The following CTIF variants were observed in gnomAD, a reference collection of about 807,000 sequenced individuals.
CTIF encodes the protein CBP80/20-dependent translation initiation factor.
In CTIF, 21 loss-of-function variants were observed where a neutral mutation model predicts 66.0. That is an observed-to-expected ratio of 0.32 (90% CI 0.23 to 0.46). The LOEUF is 0.46. CTIF is among the 20% of genes least tolerant of loss of function. The pLI, the probability that CTIF is intolerant of heterozygous loss-of-function variation, is 1.00. For synonymous variants in CTIF, 345 were observed against 326.4 expected (o/e 1.06, Z -0.62); for missense variants, 739 against 812.7 (o/e 0.91, Z 1.10).
At chr18:48,819,430 G>A (rs554075943) in intron 10 of CTIF, among the ~76,000 whole-genome samples, 1 of 152,188 alleles carries the variant, frequency 6.6e-6, no homozygotes, top group Non-Finnish European at 1.5e-5. Context: ...GCCCCAACAC[G>A]TTCCCTCTGC....
rs1342081846 is a variant in CTIF, at chr18:48,822,735, A to G, written c.1527+5359A>G. On this transcript the variant is annotated intron_variant, in intron 10 of 11. Transcript: ENST00000256413. The stretch of plus-strand genomic sequence containing the variant: ...ATTTTTAAGTTTTTGAGGACCCTCC[A>G]TTTTGTTTTCCACAGCAGATGCACC... Among the ~76,000 whole-genome samples, 3 of 152,164 alleles carry G rather than the reference A, an allele frequency of 2.0e-5. No homozygotes were observed. In the East Asian group the frequency reaches 5.8e-4, roughly 29 times the overall value.
chr18:48,739,534 C>G (rs1391053364), intron 7 of CTIF, among the ~76,000 whole-genome samples: 1 of 152,234 alleles, frequency 6.6e-6, no homozygotes, highest in African/African-American at 2.4e-5. Flanking sequence ...GGACGAACCT[C>G]TCTGCCTCTT....
At chr18:48,745,294 G>A (rs185029812) in intron 7 of CTIF, among the ~76,000 whole-genome samples, 2 of 152,330 alleles carry the variant, frequency 1.3e-5, no homozygotes, top group Non-Finnish European at 2.9e-5. Context: ...ACCATGTCAG[G>A]AGGTACGTGC....
intron 3 of CTIF, among the ~76,000 whole-genome samples, chr18:48,653,351 A>G (rs1420776568): frequency 6.6e-6 from 1 of 152,224 alleles, no homozygotes; most frequent in African/African-American, 2.4e-5. Context: ...AGAGAGCCAA[A>G]TCGTGAGTGA....
chr18:48,588,472 T>G (rs1403846104), intron 1 of CTIF, among the ~76,000 whole-genome samples: 1 of 152,170 alleles, frequency 6.6e-6, no homozygotes, highest in African/African-American at 2.4e-5. Flanking sequence ...ACCTCAGATG[T>G]CTCAGACCAT....
chr18:48,551,772 C>T (rs2088887102), intron 1 of CTIF, among the ~76,000 whole-genome samples: 1 of 151,864 alleles, frequency 6.6e-6, no homozygotes, highest in South Asian at 2.1e-4. Context: ...TCTCCTGAAA[C>T]CTGGGTGATC....
At chr18:48,789,659 G>A (rs760673157) in intron 9 of CTIF, among the ~76,000 whole-genome samples, 18 of 152,198 alleles carry the variant, frequency 1.2e-4, no homozygotes, top group Non-Finnish European at 2.5e-4. Flanking sequence ...AGAGTCAACA[G>A]TCTCAAATCA....
At chr18:48,715,867 C>T (rs867334872) in intron 7 of CTIF, among the ~76,000 whole-genome samples, 7 of 152,174 alleles carry the variant, frequency 4.6e-5, no homozygotes, top group African/African-American at 1.7e-4. Context: ...AGTTCTGAGC[C>T]TGTAGGGGAG....
chr18:48,616,386 G>A (rs944773820), intron 1 of CTIF, among the ~76,000 whole-genome samples: 2 of 152,240 alleles, frequency 1.3e-5, no homozygotes. Flanking sequence ...TGGGGAATAA[G>A]CACATGCTCA....
rs191061940 is a variant in CTIF, at chr18:48,748,356, T to A, written c.585-9563T>A. On this transcript the variant is annotated intron_variant, in intron 7 of 11. Transcript: ENST00000256413. ...ATCTGAGTACCATGGTGACTTGGGATGAAGGGAGGGAGGGAAGGAGGGAGG... is the reference window on the plus strand; with the variant it reads ...ATCTGAGTACCATGGTGACTTGGGAAGAAGGGAGGGAGGGAAGGAGGGAGG... Among the ~76,000 whole-genome samples the A allele has an allele frequency of 4.1e-3, 628 of 151,816 alleles. 2 individuals carry two copies. The highest frequency in any genetic ancestry group is 7.7e-3 in the South Asian group (37 of 4,804).
At chr18:48,604,172 T>TTG (rs2090160664) in intron 1 of CTIF, among the ~76,000 whole-genome samples, 2 of 109,588 alleles carry the variant, frequency 1.8e-5, no homozygotes, top group Admixed American at 1.9e-4. Flanking sequence ...TTAAGGGTTT[T>TTG]TTTTTTTTTT....
At chr18:48,714,452 G>C (rs2092260283) in intron 7 of CTIF, among the ~76,000 whole-genome samples, 1 of 152,206 alleles carries the variant, frequency 6.6e-6, no homozygotes, top group African/African-American at 2.4e-5. Flanking sequence ...GGAATGGAGA[G>C]GAGTCTGTGG....
At position 48,761,609 on chromosome 18, in the gene CTIF, G is replaced by T. The variant is rs1401421812; in HGVS notation, c.1291G>T (p.Ala431Ser). The T allele has an allele frequency of 1.9e-6, 3 of 1,614,060 alleles. No individual in the cohort carries two copies. In the Admixed American group the frequency reaches 5.0e-5, roughly 27 times the overall value. ...AVSDRSFAFT[A>S]AKLCDKMALF... is the part of the protein sequence containing the mutation. ...GTCCGACCGCAGCTTCGCCTTCACC[G>T]CTGCCAAGCTCTGCGACAAGATGGC... Residue 431 changes from alanine (A) to serine (S), a missense_variant, in exon 9 of 12, where the codon GCT becomes TCT. By Grantham distance (99) the Ala-to-Ser change is moderately conservative (BLOSUM62 1). Around this residue, in one of 2 missense-constraint regions of CTIF, gnomAD observed 210 missense variants for 292.3 expected, o/e 0.72. Transcript: ENST00000256413. The surrounding 1 kb of genome is among the most constrained non-coding windows in gnomAD (Gnocchi z 4.2).
intron 10 of CTIF, among the ~76,000 whole-genome samples, chr18:48,825,358 C>T (rs1599115614): frequency 1.3e-5 from 2 of 152,298 alleles, no homozygotes; most frequent in East Asian, 1.9e-4. Flanking sequence ...GGCTGCGCTC[C>T]TAGAGGAGGT....
intron 7 of CTIF, among the ~76,000 whole-genome samples, chr18:48,753,686 C>T (rs1213251374): frequency 6.6e-6 from 1 of 152,106 alleles, no homozygotes; most frequent in African/African-American, 2.4e-5. Flanking sequence ...TGCTGTTCTT[C>T]CTCACCCGAA....
At chr18:48,586,533 AG>A (rs2089772647) in intron 1 of CTIF, among the ~76,000 whole-genome samples, 1 of 151,942 alleles carries the variant, frequency 6.6e-6, no homozygotes, top group African/African-American at 2.4e-5. Context: ...GGCCTCCCAA[AG>A]TGCTGGGATT....
At chr18:48,837,532 T>A (rs1387432608) in intron 10 of CTIF, among the ~76,000 whole-genome samples, 1 of 151,964 alleles carries the variant, frequency 6.6e-6, no homozygotes, top group Non-Finnish European at 1.5e-5. Flanking sequence ...TGAGCCTGGG[T>A]GAGCCCAGCC....
In CTIF at chr18:48,861,450, AGGAGGCCTCGAGGGAG is replaced by A. The variant is rs140992028; in HGVS notation, c.*1893_*1908del. On this transcript the variant is annotated 3_prime_UTR_variant, in exon 12 of 12. Coordinates refer to ENST00000256413, the MANE Select transcript of CTIF (RefSeq NM_014772.3). The stretch of plus-strand genomic sequence containing the variant: ...CTGGGAACACAGATGCCCCGCGGGT[AGGAGGCCTCGAGGGAG>A]GAGCCGGGCTGATGCGGGGCTGCTC... The A allele has an allele frequency of 0.029, 4,471 of 152,430 alleles. 79 individuals are homozygous for A. Among genetic ancestry groups the A allele is most frequent in the African/African-American group, 0.038 (1,567 of 41,560 alleles). The allele number at this position is 152,430 out of a possible 1,614,324, so 9.4% of individuals were successfully genotyped here.
chr18:48,612,123 T>C (rs527365369), intron 1 of CTIF, among the ~76,000 whole-genome samples: 1 of 152,344 alleles, frequency 6.6e-6, no homozygotes, highest in East Asian at 1.9e-4. Flanking sequence ...TGCTTCCTCC[T>C]GCTTTTCTTT....
Sources: gnomAD v4.1 joint callset for allele counts (sites outside exome capture counted in the v4.1 genomes callset) on GRCh38, gnomAD v4.1.1 for gene constraint, gnomAD v4.1.1 regional missense constraint, Gnocchi (gnomAD v3.1) non-coding constraint, MANE v1.5 for transcripts, NCBI Gene and HGNC (gene_info 2026-07-23, HGNC 2026-07-21) for gene names.